Variants in C18orf63 observed in about 807,000 individuals in gnomAD.
The protein encoded by C18orf63 is uncharacterized protein C18orf63.
Under a neutral mutation model 75.3 loss-of-function variants are expected in C18orf63, and 50 were observed. The observed-to-expected ratio is 0.66, with a 90% CI of 0.53 to 0.84. The LOEUF is 0.84. C18orf63 is among the 40% of genes least tolerant of loss of function. C18orf63 has a pLI of 0.00. For synonymous variants in C18orf63, 232 were observed against 267.6 expected, an observed-to-expected ratio of 0.87 and a Z score of 1.30; for missense variants, 732 against 800.2, an observed-to-expected ratio of 0.91 and a Z score of 1.03.
At position 74,354,509 on chromosome 18, in the gene C18orf63, CT is replaced by C; in HGVS notation, c.2056del (p.Ter686ArgfsTer5). ...KLKKSLIIHN[A>X] The stretch of plus-strand genomic sequence containing the variant: ...AAGAAATCTCTCATCATTCATAATG[CT>C]TAGAACATGGACCTGAAAGAAGGAA... On this transcript the variant is annotated frameshift_variant, in exon 13 of 14. Coordinates refer to ENST00000579455, the MANE Select transcript of C18orf63 (RefSeq NM_001174123.2). LOFTEE classifies it high-confidence loss of function. The C allele has an allele frequency of 1.4e-6, 2 of 1,442,632 alleles. No homozygotes were observed. The highest frequency in any genetic ancestry group is 1.9e-6 in the Non-Finnish European group (2 of 1,064,614). 89.4% of individuals were successfully genotyped at this position (1,442,632 alleles called of 1,614,324 possible).
intron 5 of C18orf63, among the ~76,000 whole-genome samples, chr18:74,328,740 G>C (rs1984250145): frequency 6.6e-6 from 1 of 152,204 alleles, no homozygotes; most frequent in South Asian, 2.1e-4. Flanking sequence ...CTTGAAGTCT[G>C]ACTGTTTTCT....
intron 2 of C18orf63, among the ~76,000 whole-genome samples, chr18:74,319,728 C>G (rs1380872552): frequency 1.3e-5 from 2 of 152,046 alleles, no homozygotes; most frequent in Non-Finnish European, 2.9e-5. Flanking sequence ...GCCTCTGGTG[C>G]CCCCTGCCCA....
In C18orf63 at chr18:74,343,549, C is replaced by T. The variant is rs758936419; in HGVS notation, c.825C>T (p.Pro275=). Residue 275 remains proline, a synonymous_variant, in exon 11 of 14, where the codon CCC becomes CCT. Coordinates refer to ENST00000579455, the MANE Select transcript of C18orf63 (RefSeq NM_001174123.2). ...CTCTCAGTTGCATCAGAAGTCAGCCCATGCAGTTCTTTCCAAGGGTAGATT... is the reference window on the plus strand; with the variant it reads ...CTCTCAGTTGCATCAGAAGTCAGCCTATGCAGTTCTTTCCAAGGGTAGATT... ...TYPLSCIRSQ[P]MQFFPRVDSE... 7 of 1,532,722 alleles carry T rather than the reference C, an allele frequency of 4.6e-6. No individual in the cohort carries two copies. In the South Asian group the frequency reaches 7.2e-5, roughly 16 times the overall value. The allele number at this position is 1,532,722 out of a possible 1,614,324, so 94.9% of individuals were successfully genotyped here.
rs188551649 is a variant in C18orf63 at position 74,343,278 on chromosome 18, A to G, written c.795-241A>G. Among the ~76,000 whole-genome samples the G allele has an allele frequency of 2.3e-3, 355 of 152,226 alleles. 3 individuals carry two copies. The highest frequency in any genetic ancestry group is 8.5e-3 in the African/African-American group (352 of 41,550). On this transcript the variant is annotated intron_variant, in intron 10 of 13. Transcript: ENST00000579455. Reference sequence around the variant, plus strand: ...ATATCACAGTTGCCTTTCCATTTAGAAAGCCATATAGTAAGATATTATGAA... The same window carrying G: ...ATATCACAGTTGCCTTTCCATTTAGGAAGCCATATAGTAAGATATTATGAA...
intron 7 of C18orf63, 73 bp downstream of exon 7, chr18:74,331,015 G>A (rs181580151): frequency 2.2e-4 from 124 of 560,982 alleles, no homozygotes; most frequent in South Asian, 3.6e-4. Flanking sequence ...TGTTACTAAC[G>A]TGATTAGGTT....
intron 11 of C18orf63, 94 bp downstream of exon 11, chr18:74,343,796 A>C: frequency 1.5e-6 from 1 of 657,850 alleles, no homozygotes; most frequent in Non-Finnish European, 2.3e-6. Flanking sequence ...CACCCAACGC[A>C]GTGTGCAGTA....
chr18:74,320,481 A>T, intron 2 of C18orf63, 32 bp from the exon 3 acceptor site: 1 of 1,429,496 alleles, frequency 7.0e-7, no homozygotes, highest in Non-Finnish European at 9.5e-7. Flanking sequence ...AAACCATACC[A>T]GTCCACTTTG....
chr18:74,334,239 G>C (rs1984355523), intron 7 of C18orf63, among the ~76,000 whole-genome samples: 1 of 151,900 alleles, frequency 6.6e-6, no homozygotes. Context: ...AGTTACAATA[G>C]GATCTGTGCC....
At chr18:74,321,078 T>C (rs1320162239) in intron 3 of C18orf63, among the ~76,000 whole-genome samples, 1 of 152,202 alleles carries the variant, frequency 6.6e-6, no homozygotes, top group Non-Finnish European at 1.5e-5. Context: ...CCCTGAATTA[T>C]AGCGAAGTGC....
chr18:74,343,858 A>G (rs1291189380), intron 11 of C18orf63, among the ~76,000 whole-genome samples, 156 bp downstream of exon 11: 1 of 152,012 alleles, frequency 6.6e-6, no homozygotes, highest in Non-Finnish European at 1.5e-5. Flanking sequence ...TATTATTATT[A>G]CTATACTTAG....
chr18:74,330,012 C>T (rs756735144), intron 6 of C18orf63, among the ~76,000 whole-genome samples: 3 of 152,124 alleles, frequency 2.0e-5, no homozygotes, highest in Non-Finnish European at 2.9e-5. Context: ...TCTCCTTGCA[C>T]TAGTTGTATG....
At position 74,329,092 on chromosome 18, in the gene C18orf63, G is replaced by A; in HGVS notation, c.424+56G>A. The stretch of plus-strand genomic sequence containing the variant: ...AACAATATAATTCATAGTTGCTAAA[G>A]AAAACAGTATCATATGCTGGGCACA... On this transcript the variant is annotated intron_variant, in intron 6 of 13. Coordinates refer to ENST00000579455, the MANE Select transcript of C18orf63 (RefSeq NM_001174123.2). 2.6e-6 allele frequency: 3 copies of A among 1,143,072 alleles called. No individual in the cohort carries two copies. The South Asian group carries it at 4.0e-5, about 15-fold the overall frequency. 70.8% of individuals were successfully genotyped at this position (1,143,072 alleles called of 1,614,324 possible).
chr18:74,353,778 A>G lies in C18orf63; in HGVS notation c.1511A>G (p.Asn504Ser), dbSNP rs1427579371. The change falls in exon 12 of 14, where the codon AAT becomes AGT. Residue 504 changes from asparagine to serine, a missense_variant. Coordinates refer to ENST00000579455, the MANE Select transcript of C18orf63 (RefSeq NM_001174123.2). ...CAGATGCAGGCTGCTAACAATTTAA[A>G]TCAGGAGAATTCCAGACCTCTGCAA... Reference protein sequence around the residue: ...NIQMQAANNLNQENSRPLQEK... With the variant: ...NIQMQAANNLSQENSRPLQEK... 6 of 1,536,024 alleles carry G rather than the reference A, an allele frequency of 3.9e-6. No individual in the cohort carries two copies. The African/African-American group carries it at 6.8e-5, about 18-fold the overall frequency.
chr18:74,338,796 T>C lies in C18orf63; in HGVS notation c.583T>C (p.Leu195=). ...KHAVIERHSI[L]SNWCYVLPSM... is the part of the protein sequence containing the mutation. Reference sequence around the variant, plus strand: ...TGCTGTCATTGAGAGACATTCCATTTTAAGCAACTGGTGCTACGTTTTGCC... The same window carrying C: ...TGCTGTCATTGAGAGACATTCCATTCTAAGCAACTGGTGCTACGTTTTGCC... The change falls in exon 8 of 14, where the codon TTA becomes CTA. Residue 195 remains leucine, a synonymous_variant. Transcript: ENST00000579455. 7.1e-7 allele frequency: 1 copy of C among 1,412,610 alleles called. No individual in the cohort carries two copies. The allele number at this position is 1,412,610 out of a possible 1,614,324, so 87.5% of individuals were successfully genotyped here.
intron 13 of C18orf63, among the ~76,000 whole-genome samples, chr18:74,354,811 C>T (rs916640574): frequency 5.3e-5 from 8 of 152,172 alleles, no homozygotes; most frequent in African/African-American, 1.9e-4. Context: ...GGGATCCTTG[C>T]AGACTAGGAA....
chr18:74,330,939 T>G lies in C18orf63; in HGVS notation c.498T>G (p.Pro166=). ...CTTGCACAATCAGACTGCCAGCACC[T>G]GAGGTACCATATATTGTGATTTCTA... The part of the protein sequence containing the change: ...IEACTIRLPA[P]ELKEFEISQS... Residue 166 remains proline (P), a synonymous_variant, in exon 7 of 14, where the codon CCT becomes CCG. Coordinates refer to ENST00000579455, the MANE Select transcript of C18orf63 (RefSeq NM_001174123.2). 2.1e-6 allele frequency: 3 copies of G among 1,409,218 alleles called. No individual in the cohort carries two copies. The highest frequency in any genetic ancestry group is 1.9e-6 in the Non-Finnish European group (2 of 1,053,498). 87.3% of individuals were successfully genotyped at this position (1,409,218 alleles called of 1,614,324 possible). A position where few individuals can be genotyped will look rare whatever the true frequency, so the allele number is the denominator to read the frequency against.
chr18:74,354,336 T>G lies in C18orf63; in HGVS notation c.2001+68T>G, dbSNP rs909378948. ...CCCTTAAAACCCCTAAATAAGGATT[T>G]AAATGATTTCCCTAAGATCATTTAG... On this transcript the variant is annotated intron_variant, in intron 12 of 13. Coordinates refer to ENST00000579455, the MANE Select transcript of C18orf63 (RefSeq NM_001174123.2). 1.2e-4 allele frequency: 163 copies of G among 1,357,814 alleles called. 1 individual carries two copies. Among genetic ancestry groups the G allele is most frequent in the Non-Finnish European group, 1.5e-4 (150 of 1,022,348 alleles). The allele number at this position is 1,357,814 out of a possible 1,614,324, so 84.1% of individuals were successfully genotyped here.
In C18orf63 at chr18:74,317,194, G is replaced by A. The variant is rs555332787; in HGVS notation, c.-32-640G>A. 5.3e-5 allele frequency among the ~76,000 whole-genome samples: 8 copies of A among 152,352 alleles called. No individual in the cohort carries two copies. In the South Asian group the frequency reaches 1.4e-3, roughly 28 times the overall value. ...TTCCCTAATGTATTTGTGCATGTTAGTGTACTGAAGCTTCACTGGGTTGCT... is the reference window on the plus strand; with the variant it reads ...TTCCCTAATGTATTTGTGCATGTTAATGTACTGAAGCTTCACTGGGTTGCT... On this transcript the variant is annotated intron_variant, in intron 1 of 13. Transcript: ENST00000579455.
intron 6 of C18orf63, among the ~76,000 whole-genome samples, chr18:74,329,541 A>G (rs1325898731): frequency 2.6e-5 from 4 of 152,128 alleles, no homozygotes; most frequent in African/African-American, 9.7e-5. Flanking sequence ...AGAAAAATTC[A>G]TCTTAATTGG....
Sources: allele counts gnomAD v4.1 joint callset (sites outside exome capture counted in the v4.1 genomes callset), GRCh38; gene constraint gnomAD v4.1.1; transcripts MANE v1.5; gene names NCBI Gene and HGNC (gene_info 2026-07-23, HGNC 2026-07-21).